Variants in GML observed in about 807,000 individuals in gnomAD.
GML encodes glycosylphosphatidylinositol anchored molecule like.
GML carries 5 observed loss-of-function variants against 8.2 expected under a neutral mutation model. The ratio of observed to expected loss-of-function variants is 0.61; its 90% CI spans 0.32 to 1.28. GML has a LOEUF of 1.28. Ranked by LOEUF, GML falls within the 50% of genes most tolerant of loss-of-function variation. The pLI is 0.06. For missense variants in GML, 191 were observed against 198.3 expected (o/e 0.96, Z 0.22); for synonymous variants, 72 against 69.0 (o/e 1.04, Z -0.22).
intron 3 of GML, 61 bp from the exon 4 acceptor site, chr8:142,846,334 C>T (rs1458714212): frequency 3.7e-6 from 4 of 1,093,522 alleles, no homozygotes; most frequent in Non-Finnish European, 5.5e-6. Flanking sequence ...GTGTATGTGC[C>T]TCAATATTTA....
At chr8:142,839,566 A>G (rs1388193730) in intron 1 of GML, among the ~76,000 whole-genome samples, 1 of 152,212 alleles carries the variant, frequency 6.6e-6, no homozygotes, top group African/African-American at 2.4e-5. Context: ...AGCACGCATC[A>G]GCAGCTGGGC....
intron 3 of GML, among the ~76,000 whole-genome samples, chr8:142,844,969 C>T (rs1393024807): frequency 2.0e-5 from 3 of 152,182 alleles, no homozygotes; most frequent in African/African-American, 7.2e-5. Context: ...CACCTTAAGG[C>T]AAATACAAGA....
In GML at chr8:142,846,835, A is replaced by C; in HGVS notation, c.*145A>C. 1 of 617,046 alleles carries C rather than the reference A, an allele frequency of 1.6e-6. No homozygotes were observed. Among genetic ancestry groups the C allele is most frequent in the Non-Finnish European group, 2.8e-6 (1 of 354,406 alleles). The allele number at this position is 617,046 out of a possible 1,614,324, so 38.2% of individuals were successfully genotyped here. ...GTTTGTTGTAAGAGAAAAATTAAAA[A>C]AATATTGTTTAGTGGAGATGTTCAT... On this transcript the variant is annotated 3_prime_UTR_variant, in exon 4 of 4. Transcript: ENST00000220940.
chr8:142,836,746 G>T (rs1816346953), intron 1 of GML, among the ~76,000 whole-genome samples: 2 of 152,184 alleles, frequency 1.3e-5, no homozygotes, highest in East Asian at 3.9e-4. Context: ...TTGCTCAAAG[G>T]TGGAGGCCAA....
rs1344412317 is a variant in GML, at chr8:142,846,457, G to A, written c.244G>A (p.Ala82Thr). Residue 82 changes from alanine (A) to threonine (T), a missense_variant, in exon 4 of 4, where the codon GCA (alanine) becomes ACA (threonine). Ala to Thr is a moderately conservative substitution (Grantham distance 58). Transcript: ENST00000220940. ...TACAAACAACTGCACATTTGTATAT[G>A]CAGCTGAACAGCCTCCTGAAGCCCC... is the stretch of plus-strand genomic sequence containing the variant. ...NCTNNCTFVY[A>T]AEQPPEAPGK... 1 of 1,612,582 alleles carries A rather than the reference G, an allele frequency of 6.2e-7. No homozygotes were observed.
Position 142,846,786 on chromosome 8 carries a change from G to T in GML, c.*96G>T. ...TCTAAGCCAGAGACCCTTATCCACT[G>T]CTCCTCTAGGTGGCCCATTTATGGT... On this transcript the variant is annotated 3_prime_UTR_variant, in exon 4 of 4. Transcript: ENST00000220940. The T allele has an allele frequency of 5.8e-6, 5 of 869,490 alleles. No homozygotes were observed. The South Asian group carries it at 8.5e-5, about 15-fold the overall frequency. 53.9% of individuals were successfully genotyped at this position (869,490 alleles called of 1,614,324 possible). A position where few individuals can be genotyped will look rare whatever the true frequency, so the allele number is the denominator to read the frequency against.
chr8:142,839,589 C>G (rs1816395275), intron 1 of GML, among the ~76,000 whole-genome samples: 1 of 152,298 alleles, frequency 6.6e-6, no homozygotes, highest in South Asian at 2.1e-4. Context: ...AGGGAGTTGC[C>G]CCACTGAGCA....
intron 1 of GML, among the ~76,000 whole-genome samples, chr8:142,836,723 C>G (rs1816346833): frequency 6.6e-6 from 1 of 152,150 alleles, no homozygotes; most frequent in South Asian, 2.1e-4. Flanking sequence ...GTGGGAAGGC[C>G]TGGACTACTG....
chr8:142,839,492 G>A (rs540112170), intron 1 of GML, among the ~76,000 whole-genome samples: 6 of 152,224 alleles, frequency 3.9e-5, no homozygotes, highest in South Asian at 2.1e-4. Context: ...CTGCTCCTGC[G>A]GTGGAGGGAG....
chr8:142,838,788 C>A (rs972662606), intron 1 of GML, among the ~76,000 whole-genome samples: 1 of 152,152 alleles, frequency 6.6e-6, no homozygotes, highest in African/African-American at 2.4e-5. Context: ...GTCTCCAGGA[C>A]CTCTTCTACT....
chr8:142,846,826 A>C lies in GML; in HGVS notation c.*136A>C, dbSNP rs578035442. ...CCATTTATGGTTTGTTGTAAGAGAA[A>C]AATTAAAAAAATATTGTTTAGTGGA... is the stretch of plus-strand genomic sequence containing the variant. On this transcript the variant is annotated 3_prime_UTR_variant, in exon 4 of 4. Transcript: ENST00000220940. The C allele has an allele frequency of 2.1e-5, 13 of 625,162 alleles. No homozygotes were observed. The African/African-American group carries it at 2.2e-4, about 11-fold the overall frequency. 38.7% of individuals were successfully genotyped at this position (625,162 alleles called of 1,614,324 possible). A position where few individuals can be genotyped will look rare whatever the true frequency, so the allele number is the denominator to read the frequency against.
At chr8:142,837,299 C>CAAAAAAAAAAAAA (rs61251350) in intron 1 of GML, among the ~76,000 whole-genome samples, 2 of 148,444 alleles carry the variant, frequency 1.3e-5, no homozygotes, top group East Asian at 2.1e-4. Context: ...GACTCTGTTT[C>CAAAAAAAAAAAAA]AAAAAAAGAA....
chr8:142,839,741 G>C (rs148285708), intron 1 of GML, among the ~76,000 whole-genome samples: 1 of 152,160 alleles, frequency 6.6e-6, no homozygotes, highest in East Asian at 1.9e-4. Flanking sequence ...CTCAGTTGTG[G>C]CAACTGATTG....
intron 1 of GML, among the ~76,000 whole-genome samples, chr8:142,836,232 C>G (rs1816340565): frequency 1.3e-5 from 2 of 152,210 alleles, no homozygotes; most frequent in African/African-American, 4.8e-5. Context: ...TAGGGTGGGA[C>G]TGAGCCCTTC....
chr8:142,841,797 C>A (rs1816438595), intron 3 of GML, among the ~76,000 whole-genome samples: 1 of 152,320 alleles, frequency 6.6e-6, no homozygotes, highest in East Asian at 1.9e-4. Flanking sequence ...GGCCCAGTGA[C>A]CAATGGAGCA....
At chr8:142,843,609 TAAC>T (rs1257847216) in intron 3 of GML, among the ~76,000 whole-genome samples, 1 of 152,138 alleles carries the variant, frequency 6.6e-6, no homozygotes, top group African/African-American at 2.4e-5. Flanking sequence ...AAACTTCAAA[TAAC>T]AAATATCTTT....
At chr8:142,843,110 C>G (rs1816457781) in intron 3 of GML, among the ~76,000 whole-genome samples, 1 of 152,076 alleles carries the variant, frequency 6.6e-6, no homozygotes, top group Admixed American at 6.5e-5. Context: ...TGGGGCTGTG[C>G]AGGATGGTAA....
At chr8:142,837,663 G>C (rs750908731) in intron 1 of GML, among the ~76,000 whole-genome samples, 2 of 145,320 alleles carry the variant, frequency 1.4e-5, no homozygotes, top group Non-Finnish European at 3.0e-5. Context: ...TCCTCAGCTC[G>C]GACAGGTTTC....
At position 142,841,818 on chromosome 8, in the gene GML, G is replaced by T. The variant is rs139509793; in HGVS notation, c.181+593G>T. ...GTGACCAATGGAGCAAGCAGGGAGG[G>T]TGCAGCCAGTGTATGCCCTGGCGCA... On this transcript the variant is annotated intron_variant, in intron 3 of 3. Transcript: ENST00000220940. Among the ~76,000 whole-genome samples, 1,410 of 152,322 alleles carry T rather than the reference G, an allele frequency of 9.3e-3. 13 individuals are homozygous for T. Among genetic ancestry groups the T allele is most frequent in the Non-Finnish European group, 0.015 (992 of 68,026 alleles).
Sources: gnomAD v4.1 joint callset for allele counts (sites outside exome capture counted in the v4.1 genomes callset) on GRCh38, gnomAD v4.1.1 for gene constraint, MANE v1.5 for transcripts, NCBI Gene and HGNC (gene_info 2026-07-23, HGNC 2026-07-21) for gene names.